The following GREB1 variants were observed in gnomAD, a reference collection of about 807,000 sequenced individuals.
GREB1 encodes protein GREB1.
GREB1 carries 106 observed loss-of-function variants against 200.7 expected under a neutral mutation model. The observed-to-expected ratio is 0.53, with a 90% confidence interval of 0.45 to 0.62. GREB1 has a LOEUF of 0.62. Ranked by LOEUF, GREB1 falls within the 20% of genes least tolerant of loss-of-function variation. GREB1 has a pLI of 0.00. For missense variants in GREB1, 2,243 were observed against 2,556.8 expected (o/e 0.88, Z 2.65); for synonymous variants, 1,132 against 1,092.4 (o/e 1.04, Z -0.72).
rs55936089 is a variant in GREB1, at chr2:11,597,103, C to T, written c.1955-678C>T. On this transcript the variant is annotated intron_variant, in intron 13 of 32. Transcript: ENST00000381486. This position sits in a 1 kb window ranked among gnomAD's most constrained non-coding sequence, Gnocchi z 4.1. The stretch of plus-strand genomic sequence containing the variant: ...AAGTGGGTGCTGAGGGGACAGAGGG[C>T]TCATGTGTGCTCGGTGGGCGATGAG... Among the ~76,000 whole-genome samples, 32,628 of 151,812 alleles carry T rather than the reference C, an allele frequency of 0.21. 4,429 individuals are homozygous for T. The highest frequency in any genetic ancestry group is 0.32 in the Admixed American group (4,895 of 15,268).
rs767763824 is a variant in GREB1 at position 11,593,109 on chromosome 2, C to G, written c.1679C>G (p.Ser560Cys). The change falls in exon 11 of 33, where the codon TCC (serine) becomes TGC (cysteine). Residue 560 changes from serine to cysteine, a missense_variant. Physicochemically the swap from Ser to Cys is moderately radical, Grantham distance 112. Coordinates refer to ENST00000381486, the MANE Select transcript of GREB1 (RefSeq NM_014668.4). ...ICACRSAAID[S>C]CIAVTGKYQA... ...GCCTGCCGCAGCGCGGCCATCGACT[C>G]CTGCATCGCCGTCACCGGTGAGCTC... The G allele has an allele frequency of 6.2e-7, 1 of 1,604,380 alleles. No individual in the cohort carries two copies. Among genetic ancestry groups the G allele is most frequent in the African/African-American group, 1.3e-5 (1 of 74,672 alleles).
intron 1 of GREB1, among the ~76,000 whole-genome samples, chr2:11,489,959 T>C (rs536948274): frequency 8.5e-6 from 1 of 118,096 alleles, no homozygotes; most frequent in Non-Finnish European, 1.9e-5. Flanking sequence ...ATGTATTATA[T>C]TACTAGATAT....
intron 1 of GREB1, among the ~76,000 whole-genome samples, chr2:11,550,432 C>T (rs1002165935): frequency 1.2e-4 from 19 of 152,212 alleles, no homozygotes; most frequent in African/African-American, 4.6e-4. Context: ...CCTGTTTTCA[C>T]CCTTGCATCT....
At chr2:11,573,029 C>T (rs1028175400) in intron 4 of GREB1, among the ~76,000 whole-genome samples, 14 of 152,146 alleles carry the variant, frequency 9.2e-5, no homozygotes, top group East Asian at 1.9e-4. Context: ...CCGCTGTTGT[C>T]GGCTTGTTGA....
At chr2:11,584,309 G>A (rs989893386) in intron 7 of GREB1, among the ~76,000 whole-genome samples, 5 of 152,174 alleles carry the variant, frequency 3.3e-5, no homozygotes, top group Admixed American at 6.5e-5. Flanking sequence ...TCATGAGCAT[G>A]CTGTTGTCTA....
intron 1 of GREB1, among the ~76,000 whole-genome samples, chr2:11,555,254 T>C (rs1468776819): frequency 6.6e-6 from 1 of 152,200 alleles, no homozygotes; most frequent in African/African-American, 2.4e-5. Flanking sequence ...TATGGACATA[T>C]ACACATTTAA....
chr2:11,531,731 C>T (rs572611373), upstream of GREB1, among the ~76,000 whole-genome samples: 336 of 152,208 alleles, frequency 2.2e-3, 1 homozygote, highest in Middle Eastern at 0.017. Context: ...CCACCATGAC[C>T]AGCTAATTTT....
chr2:11,576,520 T>C lies in GREB1; in HGVS notation c.622T>C (p.Cys208Arg), dbSNP rs1279793120. 6.2e-7 allele frequency: 1 copy of C among 1,613,012 alleles called. No individual in the cohort carries two copies. Residue 208 changes from cysteine to arginine, a missense_variant, in exon 5 of 33, where the codon TGT (cysteine) becomes CGT (arginine). Physicochemically the swap from Cys to Arg is radical, Grantham distance 180. This residue lies in a region of GREB1 where 1,178 missense variants were observed against 1,387.4 expected (regional missense o/e 0.85). Transcript: ENST00000381486. Reference sequence around the variant, plus strand: ...GACTCTAACCAAAGGACCTTTAATCTGTTGGAAAGGCTCAGGTGAGCAGGT... The same window carrying C: ...GACTCTAACCAAAGGACCTTTAATCCGTTGGAAAGGCTCAGGTGAGCAGGT... Reference protein sequence around the residue: ...QGTLTKGPLICWKGSEFRSRQ... With the variant: ...QGTLTKGPLIRWKGSEFRSRQ...
intron 19 of GREB1, 71 bp downstream of exon 19, chr2:11,612,681 C>A: frequency 1.1e-6 from 1 of 951,024 alleles, no homozygotes; most frequent in Non-Finnish European, 1.7e-6. Flanking sequence ...AGGAGCATGT[C>A]AGGGGGGCTG....
upstream of GREB1, among the ~76,000 whole-genome samples, chr2:11,532,046 T>C (rs181422134): frequency 1.2e-3 from 187 of 152,368 alleles, 1 homozygote; most frequent in African/African-American, 4.2e-3. Flanking sequence ...CTTTCTGTCA[T>C]TTGAATATGC....
intron 25 of GREB1, among the ~76,000 whole-genome samples, chr2:11,628,827 T>C (rs1321353517): frequency 6.6e-6 from 1 of 152,012 alleles, no homozygotes; most frequent in Non-Finnish European, 1.5e-5. Context: ...GGGCTGTGCC[T>C]GGCCTGTGTT....
At chr2:11,602,385 C>T (rs764028708) in intron 16 of GREB1, 21 bp from the exon 17 acceptor site, 58 of 1,611,200 alleles carry the variant, frequency 3.6e-5, no homozygotes, top group Middle Eastern at 1.8e-4. Flanking sequence ...TTGGAGTGAC[C>T]GACGCTCTTC....
chr2:11,536,271 C>G (rs964222920), intron 1 of GREB1, among the ~76,000 whole-genome samples: 1 of 152,188 alleles, frequency 6.6e-6, no homozygotes, highest in Non-Finnish European at 1.5e-5. Flanking sequence ...GATACGGAGG[C>G]ACTGCTTGTG....
intron 2 of GREB1, among the ~76,000 whole-genome samples, chr2:11,559,165 C>T (rs918208490): frequency 3.3e-5 from 5 of 152,138 alleles, no homozygotes; most frequent in African/African-American, 7.2e-5. Flanking sequence ...TGGAGGGAAG[C>T]GGCGCTCCAG....
At chr2:11,585,128 G>T (rs1679945011) in intron 7 of GREB1, 33 bp from the exon 8 acceptor site, 2 of 1,226,368 alleles carry the variant, frequency 1.6e-6, no homozygotes, top group African/African-American at 1.5e-5. Context: ...CTGTCCTGGT[G>T]ATAGCCTAAT....
Position 11,629,830 on chromosome 2 carries a change from G to C in GREB1, c.4450-118G>C. The C allele has an allele frequency of 9.9e-7, 1 of 1,012,186 alleles. No homozygotes were observed. Among genetic ancestry groups the C allele is most frequent in the Non-Finnish European group, 1.5e-6 (1 of 673,764 alleles). 62.7% of individuals were successfully genotyped at this position (1,012,186 alleles called of 1,614,324 possible). Reference sequence around the variant, plus strand: ...ACTGGAGTCACCCCGTGGGTTTCTTGTGCTGTAGGGAAGTGGTGACTGTGA... The same window carrying C: ...ACTGGAGTCACCCCGTGGGTTTCTTCTGCTGTAGGGAAGTGGTGACTGTGA... On this transcript the variant is annotated intron_variant, in intron 25 of 32. Transcript: ENST00000381486. The surrounding 1 kb of genome is among the most constrained non-coding windows in gnomAD (Gnocchi z 5.2).
At chr2:11,578,521 T>A in intron 6 of GREB1, 90 bp downstream of exon 6, 1 of 1,361,098 alleles carries the variant, frequency 7.3e-7, no homozygotes, top group Non-Finnish European at 1.0e-6. Flanking sequence ...TCAAGCATTC[T>A]TCAAAATAAA....
chr2:11,631,535 G>T (rs1684875324), intron 26 of GREB1, among the ~76,000 whole-genome samples: 1 of 152,184 alleles, frequency 6.6e-6, no homozygotes, highest in Non-Finnish European at 1.5e-5. Flanking sequence ...TGATTTTCTG[G>T]GCTCTGTTGT....
chr2:11,591,233 C>T lies in GREB1; in HGVS notation c.1346-1543C>T, dbSNP rs1680696929. Among the ~76,000 whole-genome samples the T allele has an allele frequency of 1.3e-5, 2 of 152,192 alleles. 1 individual carries two copies. Among genetic ancestry groups the T allele is most frequent in the Admixed American group, 1.3e-4 (2 of 15,286 alleles). On this transcript the variant is annotated intron_variant, in intron 10 of 32. Coordinates refer to ENST00000381486, the MANE Select transcript of GREB1 (RefSeq NM_014668.4). ...ATCCAATCAAAGAGGGAGATATAAG[C>T]TAATTTAATCAAATTCTGGCACGGC...
Sources: gnomAD v4.1 joint callset for allele counts (sites outside exome capture counted in the v4.1 genomes callset) on GRCh38, gnomAD v4.1.1 for gene constraint, gnomAD v4.1.1 regional missense constraint, Gnocchi (gnomAD v3.1) non-coding constraint, MANE v1.5 for transcripts, NCBI Gene and HGNC (gene_info 2026-07-23, HGNC 2026-07-21) for gene names.